The following CWC27 variants were observed in gnomAD, a reference collection of about 807,000 sequenced individuals.
CWC27 encodes the protein spliceosome-associated protein CWC27 homolog.
In CWC27, 47 loss-of-function variants were observed where a neutral mutation model predicts 63.6. The observed-to-expected ratio is 0.74, with a 90% confidence interval of 0.58 to 0.94. CWC27 has a LOEUF of 0.94. Ranked by LOEUF, CWC27 falls within the 40% of genes least tolerant of loss-of-function variation. The pLI, the probability that CWC27 is intolerant of heterozygous loss-of-function variation, is 0.00. For synonymous variants in CWC27, 175 were observed against 179.8 expected (o/e 0.97, Z 0.22); for missense variants, 495 against 554.3 (o/e 0.89, Z 1.07).
At chr5:64,831,475 G>GAGATAGATAGATAGAT (rs3075244) in intron 10 of CWC27, among the ~76,000 whole-genome samples, 153 of 148,314 alleles carry the variant, frequency 1.0e-3, no homozygotes, top group Non-Finnish European at 1.3e-3. Flanking sequence ...TTATTTATTT[G>GAGATAGATAGATAGAT]AGATAGATAG....
At chr5:64,804,432 A>G (rs1248106203) in intron 10 of CWC27, 46 bp downstream of exon 10, 3 of 1,502,552 alleles carry the variant, frequency 2.0e-6, no homozygotes, top group East Asian at 2.3e-5. Context: ...GTCTTTTTAT[A>G]TTTCACTTTA....
intron 13 of CWC27, among the ~76,000 whole-genome samples, chr5:64,978,409 T>C (rs1315793611): frequency 6.6e-6 from 1 of 152,206 alleles, no homozygotes; most frequent in Non-Finnish European, 1.5e-5. Context: ...TATCTTTTAA[T>C]AGGTTTCTAT....
chr5:65,004,589 TG>T (rs1749794304), intron 13 of CWC27, among the ~76,000 whole-genome samples: 1 of 151,414 alleles, frequency 6.6e-6, no homozygotes, highest in Non-Finnish European at 1.5e-5. Flanking sequence ...ATTCAGATCA[TG>T]AATTTGTTTT....
At chr5:64,825,847 T>G (rs1218348457) in intron 10 of CWC27, among the ~76,000 whole-genome samples, 1 of 152,190 alleles carries the variant, frequency 6.6e-6, no homozygotes, top group Non-Finnish European at 1.5e-5. Flanking sequence ...AATCAGTGAC[T>G]TAGGTAAAGC....
chr5:64,899,370 A>G (rs1049163699), intron 11 of CWC27, among the ~76,000 whole-genome samples: 3 of 152,254 alleles, frequency 2.0e-5, no homozygotes, highest in Non-Finnish European at 4.4e-5. Flanking sequence ...TTGCATAGTA[A>G]TGGGCAAAAT....
At position 64,799,587 on chromosome 5, in the gene CWC27, AATAT is replaced by A. The variant is rs535986626; in HGVS notation, c.670-649_670-646del. Reference sequence around the variant, plus strand: ...GTGACAGAGTGAGACTCCATCTCAAAATATATATATATATACTTAATAGCAGCAG... The same window carrying A: ...GTGACAGAGTGAGACTCCATCTCAAAATATATATATACTTAATAGCAGCAG... On this transcript the variant is annotated intron_variant, in intron 7 of 13. Coordinates refer to ENST00000381070, the MANE Select transcript of CWC27 (RefSeq NM_005869.4). Among the ~76,000 whole-genome samples, 9 of 75,750 alleles carry A rather than the reference AATAT, an allele frequency of 1.2e-4. 1 individual carries two copies. Among genetic ancestry groups the A allele is most frequent in the Non-Finnish European group, 2.5e-4 (9 of 35,598 alleles). 49.7% of individuals were successfully genotyped at this position (75,750 alleles called of 152,430 possible). A position where few individuals can be genotyped will look rare whatever the true frequency, so the allele number is the denominator to read the frequency against.
intron 7 of CWC27, among the ~76,000 whole-genome samples, chr5:64,790,216 C>G (rs1744026951): frequency 6.6e-6 from 1 of 152,138 alleles, no homozygotes; most frequent in Admixed American, 6.6e-5. Context: ...AATATTTCTC[C>G]TGGGCTCTTA....
chr5:64,925,258 T>G (rs1326786229), intron 11 of CWC27, among the ~76,000 whole-genome samples: 1 of 152,210 alleles, frequency 6.6e-6, no homozygotes, highest in Non-Finnish European at 1.5e-5. Flanking sequence ...TGTCAGAGGC[T>G]AAAATGATGT....
chr5:64,952,470 A>G (rs910452529), intron 11 of CWC27, among the ~76,000 whole-genome samples: 3 of 151,996 alleles, frequency 2.0e-5, no homozygotes, highest in South Asian at 4.1e-4. Flanking sequence ...AGTTAGGTGA[A>G]TGAAGGTGTT....
rs1029491785 is a variant in CWC27 at position 64,908,436 on chromosome 5, G to A, written c.1042+22890G>A. Among the ~76,000 whole-genome samples, 28 of 152,192 alleles carry A rather than the reference G, an allele frequency of 1.8e-4. No homozygotes were observed. The South Asian group carries it at 2.3e-3, about 12-fold the overall frequency. On this transcript the variant is annotated intron_variant, in intron 11 of 13. Coordinates refer to ENST00000381070, the MANE Select transcript of CWC27 (RefSeq NM_005869.4). ...CAGAGCTGAGTTCAAGTCCTGGATA[G>A]CATTGTTAACCTTCTGTCTCGTTGA...
chr5:64,994,438 T>C (rs1245809706), intron 13 of CWC27, among the ~76,000 whole-genome samples: 1 of 152,218 alleles, frequency 6.6e-6, no homozygotes, highest in African/African-American at 2.4e-5. Context: ...TAGTTGATAT[T>C]TTGTAAATTC....
intron 10 of CWC27, among the ~76,000 whole-genome samples, chr5:64,859,333 A>T (rs1580680729): frequency 1.3e-5 from 2 of 152,282 alleles, no homozygotes; most frequent in East Asian, 3.9e-4. Context: ...AGATGACAAA[A>T]AAACATTCTA....
intron 11 of CWC27, among the ~76,000 whole-genome samples, chr5:64,944,956 GTTTACCTCTCTGA>G (rs1748559375): frequency 6.6e-6 from 1 of 151,914 alleles, no homozygotes; most frequent in Admixed American, 6.6e-5. Context: ...CTCCCCTTCT[GTTTACCTCTCTGA>G]TCTCATCTCC....
chr5:64,786,480 A>G (rs762606774), intron 5 of CWC27, 44 bp from the exon 6 acceptor site: 2 of 1,228,924 alleles, frequency 1.6e-6, no homozygotes, highest in Non-Finnish European at 2.2e-6. Flanking sequence ...TTTTTGTGAA[A>G]TGTTAAAAAT....
At chr5:64,887,104 T>G (rs2112345883) in intron 11 of CWC27, among the ~76,000 whole-genome samples, 1 of 152,206 alleles carries the variant, frequency 6.6e-6, no homozygotes, top group African/African-American at 2.4e-5. Context: ...TACCCTCATG[T>G]CTTAAACACT....
chr5:64,786,489 A>G, intron 5 of CWC27, 35 bp from the exon 6 acceptor site: 6 of 1,305,620 alleles, frequency 4.6e-6, no homozygotes, highest in Non-Finnish European at 4.2e-6. Context: ...AATGTTAAAA[A>G]TGGAATAATG....
chr5:64,840,373 AAAAAAAAAAAAAAAAAAAAAAATATAT>A (rs1191229319), intron 10 of CWC27, among the ~76,000 whole-genome samples: 2 of 48,968 alleles, frequency 4.1e-5, no homozygotes, highest in African/African-American at 1.8e-4. Context: ...AAAAAAAAAA[AAAAAAAAAAAAAAAAAAAAAAATATAT>A]ATATATATAT....
At chr5:64,945,380 G>T (rs1033972137) in intron 11 of CWC27, among the ~76,000 whole-genome samples, 1 of 152,052 alleles carries the variant, frequency 6.6e-6, no homozygotes, top group African/African-American at 2.4e-5. Context: ...AAAATTGGAG[G>T]CTGAATAAGT....
Position 64,818,517 on chromosome 5 carries a change from G to A in CWC27, c.938+14131G>A, listed in dbSNP as rs190769971. Reference sequence around the variant, plus strand: ...AGGCTTTGTTTAATGAAGTTAAAACGAAAAGCCTTTGGCTTGGCTCCAAAG... The same window carrying A: ...AGGCTTTGTTTAATGAAGTTAAAACAAAAAGCCTTTGGCTTGGCTCCAAAG... On this transcript the variant is annotated intron_variant, in intron 10 of 13. Transcript: ENST00000381070. 3.3e-5 allele frequency among the ~76,000 whole-genome samples: 5 copies of A among 152,234 alleles called. No homozygotes were observed. The East Asian group carries it at 9.6e-4, about 29-fold the overall frequency.
Sources: allele counts gnomAD v4.1 joint callset (sites outside exome capture counted in the v4.1 genomes callset), GRCh38; gene constraint gnomAD v4.1.1; transcripts MANE v1.5; gene names NCBI Gene and HGNC (gene_info 2026-07-23, HGNC 2026-07-21).